PCLO: variants seen among roughly 807,000 people sequenced by gnomAD.
PCLO encodes protein piccolo.
Under a neutral mutation model 427.5 loss-of-function variants are expected in PCLO, and 82 were observed. The observed-to-expected ratio is 0.19, with a 90% confidence interval of 0.16 to 0.23. The LOEUF is 0.23. Ranked by LOEUF, PCLO falls within the 10% of genes least tolerant of loss-of-function variation. PCLO has a pLI of 1.00. For synonymous variants in PCLO, 2,357 were observed against 2,155.4 expected, an observed-to-expected ratio of 1.09 and a Z score of -2.59; for missense variants, 6,239 against 6,115.9, an observed-to-expected ratio of 1.02 and a Z score of -0.67.
At chr7:83,095,851 A>C (rs1790521610) in intron 3 of PCLO, among the ~76,000 whole-genome samples, 1 of 151,930 alleles carries the variant, frequency 6.6e-6, no homozygotes, top group African/African-American at 2.4e-5. Flanking sequence ...ATGATATGTT[A>C]TTTCTTAGAA....
At chr7:82,826,439 T>C in intron 18 of PCLO, 150 bp downstream of exon 18, 1 of 530,830 alleles carries the variant, frequency 1.9e-6, no homozygotes. Flanking sequence ...ATTAATCTAC[T>C]CAAATAGTAA....
chr7:82,757,566 G>A lies in PCLO; in HGVS notation c.*1009C>T, dbSNP rs563608084. Reference sequence around the variant, plus strand: ...TTAATCAATGTCACAAGATTAATATGGTTTGTTTGCCAGAGAAAGAATTTT... The same window carrying A: ...TTAATCAATGTCACAAGATTAATATAGTTTGTTTGCCAGAGAAAGAATTTT... On this transcript the variant is annotated 3_prime_UTR_variant, in exon 25 of 25. Coordinates refer to ENST00000333891, the MANE Select transcript of PCLO (RefSeq NM_033026.6). The A allele has an allele frequency of 6.6e-6, 1 of 151,860 alleles. No homozygotes were observed. The highest frequency in any genetic ancestry group is 1.5e-5 in the Non-Finnish European group (1 of 67,890). 9.4% of individuals were successfully genotyped at this position (151,860 alleles called of 1,614,324 possible).
chr7:82,857,087 C>T (rs1354703260), intron 10 of PCLO, among the ~76,000 whole-genome samples: 1 of 152,154 alleles, frequency 6.6e-6, no homozygotes, highest in African/African-American at 2.4e-5. Context: ...TTAGACTTAT[C>T]AGCCTGAAGA....
At chr7:82,969,856 T>C (rs1191674637) in intron 3 of PCLO, among the ~76,000 whole-genome samples, 1 of 152,140 alleles carries the variant, frequency 6.6e-6, no homozygotes, top group Middle Eastern at 3.2e-3. Flanking sequence ...ATACCACTTC[T>C]AGTTAGATAT....
At chr7:83,147,913 T>C (rs940596199) in intron 2 of PCLO, among the ~76,000 whole-genome samples, 63 of 152,362 alleles carry the variant, frequency 4.1e-4, no homozygotes, top group African/African-American at 1.4e-3. Flanking sequence ...ATAGTAGATT[T>C]TGATTTTATT....
rs528293864 is a variant in PCLO at position 82,975,834 on chromosome 7, A to G, written c.3301-9347T>C. ...AAGTTCTCATGAGACCTGATGGTTT[A>G]AAAGTGGCAGTTTCCCCTGCACTTT... On this transcript the variant is annotated intron_variant, in intron 3 of 24. Coordinates refer to ENST00000333891, the MANE Select transcript of PCLO (RefSeq NM_033026.6). Among the ~76,000 whole-genome samples the G allele has an allele frequency of 9.9e-5, 15 of 152,170 alleles. No homozygotes were observed. The East Asian group carries it at 2.9e-3, about 29-fold the overall frequency.
rs1355330667 is a variant in PCLO, at chr7:82,755,385, A to T, written c.*3190T>A. On this transcript the variant is annotated 3_prime_UTR_variant, in exon 25 of 25. Coordinates refer to ENST00000333891, the MANE Select transcript of PCLO (RefSeq NM_033026.6). ...AAAAATCTTCTTAATCTTAAGTAAAAACAGAGAAAACACCAACTTCGTGCT... is the reference window on the plus strand; with the variant it reads ...AAAAATCTTCTTAATCTTAAGTAAATACAGAGAAAACACCAACTTCGTGCT... 1 of 152,126 alleles carries T rather than the reference A, an allele frequency of 6.6e-6. No individual in the cohort carries two copies. The highest frequency in any genetic ancestry group is 1.5e-5 in the Non-Finnish European group (1 of 68,024). 9.4% of individuals were successfully genotyped at this position (152,126 alleles called of 1,614,324 possible).
intron 2 of PCLO, among the ~76,000 whole-genome samples, chr7:83,144,547 T>C (rs1791945361): frequency 6.6e-6 from 1 of 152,198 alleles, no homozygotes; most frequent in Non-Finnish European, 1.5e-5. Flanking sequence ...CTGTCAATTA[T>C]TAAAATTTTA....
intron 3 of PCLO, among the ~76,000 whole-genome samples, chr7:83,088,419 G>A (rs868228395): frequency 3.3e-5 from 5 of 152,142 alleles, no homozygotes; most frequent in African/African-American, 1.2e-4. Flanking sequence ...TCTTCTTAAG[G>A]TCCCTGAGGG....
intron 3 of PCLO, among the ~76,000 whole-genome samples, chr7:82,975,214 AATTT>A (rs1206086800): frequency 6.6e-6 from 1 of 152,198 alleles, no homozygotes; most frequent in African/African-American, 2.4e-5. Context: ...TTTAAAACAA[AATTT>A]ATTTAAAAGA....
chr7:82,786,084 C>T (rs1220339251), intron 22 of PCLO, among the ~76,000 whole-genome samples: 1 of 151,928 alleles, frequency 6.6e-6, no homozygotes, highest in African/African-American at 2.4e-5. Context: ...AGTGTGGACA[C>T]TAGGCATTTC....
intron 15 of PCLO, among the ~76,000 whole-genome samples, chr7:82,836,391 A>C (rs990363823): frequency 6.6e-6 from 1 of 152,194 alleles, no homozygotes; most frequent in Non-Finnish European, 1.5e-5. Flanking sequence ...TGAAGTTATC[A>C]GTTTGTTGTT....
intron 20 of PCLO, among the ~76,000 whole-genome samples, chr7:82,810,354 A>C (rs1325625829): frequency 6.6e-6 from 1 of 151,750 alleles, no homozygotes; most frequent in Non-Finnish European, 1.5e-5. Context: ...TTATATAAAC[A>C]TTGAGAGGCT....
chr7:82,968,908 A>G (rs1795842805), intron 3 of PCLO, among the ~76,000 whole-genome samples: 1 of 152,166 alleles, frequency 6.6e-6, no homozygotes. Context: ...AACGAAATAC[A>G]GGTGGGTATT....
chr7:83,012,225 G>A (rs922814313), intron 3 of PCLO, among the ~76,000 whole-genome samples: 4 of 152,174 alleles, frequency 2.6e-5, no homozygotes, highest in Middle Eastern at 3.4e-3. Context: ...ATTGTAAACT[G>A]CAGAATACGC....
At chr7:83,151,128 G>A (rs1423126106) in intron 2 of PCLO, among the ~76,000 whole-genome samples, 2 of 151,974 alleles carry the variant, frequency 1.3e-5, no homozygotes, top group Non-Finnish European at 2.9e-5. Flanking sequence ...CTGGCCATTT[G>A]GTAGGCAGTA....
intron 22 of PCLO, among the ~76,000 whole-genome samples, chr7:82,773,952 T>C (rs1790696995): frequency 1.3e-5 from 2 of 152,122 alleles, no homozygotes; most frequent in Admixed American, 6.5e-5. Context: ...TTTGCAGAGG[T>C]TATGACTTCC....
At chr7:83,140,789 T>G (rs1299308762) in intron 2 of PCLO, among the ~76,000 whole-genome samples, 2 of 152,200 alleles carry the variant, frequency 1.3e-5, no homozygotes, top group Non-Finnish European at 2.9e-5. Context: ...GCCATAAATA[T>G]TTTTCCTGCC....
Position 82,879,460 on chromosome 7 carries a change from T to G in PCLO, c.13531A>C (p.Asn4511His), listed in dbSNP as rs1286314339. The G allele has an allele frequency of 6.3e-7, 1 of 1,589,656 alleles. No individual in the cohort carries two copies. The highest frequency in any genetic ancestry group is 8.6e-7 in the Non-Finnish European group (1 of 1,162,362). ...RDSKDHTVSG[N>H]GLGIRIVGGK... ...CCCACAATTCTAATTCCTAATCCAT[T>G]ACCTGTATTAAACAATTAGCAAATT... Residue 4511 changes from asparagine to histidine, a missense_variant and splice_region_variant, in exon 10 of 25, where the codon AAT becomes CAT. Physicochemically the swap from Asn to His is moderately conservative, Grantham distance 68. Coordinates refer to ENST00000333891, the MANE Select transcript of PCLO (RefSeq NM_033026.6).
Sources: allele counts gnomAD v4.1 joint callset (sites outside exome capture counted in the v4.1 genomes callset), GRCh38; gene constraint gnomAD v4.1.1; transcripts MANE v1.5; gene names NCBI Gene and HGNC (gene_info 2026-07-23, HGNC 2026-07-21).